Variants in WWOX observed in about 807,000 individuals in gnomAD.
WWOX encodes WW domain containing oxidoreductase, also known as WW domain-containing oxidoreductase.
WWOX carries 69 observed loss-of-function variants against 46.2 expected under a neutral mutation model. The observed-to-expected ratio is 1.49, with a 90% CI of 1.23 to 1.82. WWOX has a LOEUF of 1.82. Ranked by LOEUF, WWOX falls within the 40% of genes most tolerant of loss-of-function variation. The pLI is 0.00. For synonymous variants in WWOX, 359 were observed against 202.6 expected (o/e 1.77, Z -6.56); for missense variants, 919 against 542.6 (o/e 1.69, Z -6.89).
At chr16:78,540,598 G>A (rs371212303) in intron 8 of WWOX, among the ~76,000 whole-genome samples, 2 of 152,160 alleles carry the variant, frequency 1.3e-5, no homozygotes, top group African/African-American at 4.8e-5. Context: ...AAATCTGCAT[G>A]GAGTGGTTAC....
intron 8 of WWOX, among the ~76,000 whole-genome samples, chr16:79,034,486 G>T (rs974390037): frequency 6.6e-6 from 1 of 152,186 alleles, no homozygotes; most frequent in Non-Finnish European, 1.5e-5. Flanking sequence ...TGGGGGCTCT[G>T]TTAAGACATG....
At chr16:78,271,738 C>G (rs563344924) in intron 5 of WWOX, among the ~76,000 whole-genome samples, 2 of 152,188 alleles carry the variant, frequency 1.3e-5, no homozygotes, top group Non-Finnish European at 2.9e-5. Context: ...TGGGACTCTG[C>G]CCAGCGAGGG....
chr16:78,981,538 G>A (rs556358457), intron 8 of WWOX, among the ~76,000 whole-genome samples: 2 of 151,938 alleles, frequency 1.3e-5, no homozygotes, highest in African/African-American at 4.8e-5. Flanking sequence ...TCCGGGTTCA[G>A]GTGATTCTCC....
chr16:78,239,958 C>G (rs528836258), intron 5 of WWOX, among the ~76,000 whole-genome samples: 3 of 151,432 alleles, frequency 2.0e-5, no homozygotes. Context: ...CGGTTCTAAG[C>G]CAGTTGGACA....
intron 8 of WWOX, among the ~76,000 whole-genome samples, chr16:78,853,643 C>G (rs1395053279): frequency 1.3e-5 from 2 of 152,062 alleles, no homozygotes; most frequent in African/African-American, 2.4e-5. Context: ...TCGCCTTTCC[C>G]TGGGTGGAGA....
intron 8 of WWOX, among the ~76,000 whole-genome samples, chr16:78,664,669 C>T (rs992833041): frequency 6.6e-6 from 1 of 152,174 alleles, no homozygotes; most frequent in African/African-American, 2.4e-5. Flanking sequence ...CTAGGAAGAC[C>T]AAGCATGCCG....
intron 8 of WWOX, among the ~76,000 whole-genome samples, chr16:78,751,678 CAG>C (rs2142451881): frequency 6.6e-6 from 1 of 150,632 alleles, no homozygotes; most frequent in South Asian, 2.1e-4. Context: ...GCCATTTCTG[CAG>C]AGTTAAAAAA....
chr16:78,844,355 T>C (rs1200477279), intron 8 of WWOX, among the ~76,000 whole-genome samples: 7 of 152,206 alleles, frequency 4.6e-5, no homozygotes, highest in Non-Finnish European at 1.5e-5. Context: ...TCCTCTTATC[T>C]ACCATATGCC....
At chr16:78,656,420 G>C (rs541674020) in intron 8 of WWOX, among the ~76,000 whole-genome samples, 1 of 152,150 alleles carries the variant, frequency 6.6e-6, no homozygotes, top group Non-Finnish European at 1.5e-5. Flanking sequence ...TCATGGTTCC[G>C]CAGGCCATAC....
At chr16:79,039,710 A>G (rs1159261595) in intron 8 of WWOX, among the ~76,000 whole-genome samples, 1 of 152,176 alleles carries the variant, frequency 6.6e-6, no homozygotes, top group Non-Finnish European at 1.5e-5. Flanking sequence ...GAGCAGGGTG[A>G]TGCTAGATGG....
At chr16:78,392,094 C>T (rs1033507420) in intron 6 of WWOX, among the ~76,000 whole-genome samples, 1 of 151,642 alleles carries the variant, frequency 6.6e-6, no homozygotes. Flanking sequence ...AGGCCACAAA[C>T]CAATAGCGGA....
intron 8 of WWOX, among the ~76,000 whole-genome samples, chr16:79,048,567 G>A (rs2048108664): frequency 6.6e-6 from 1 of 152,004 alleles, no homozygotes; most frequent in Non-Finnish European, 1.5e-5. Context: ...TATGCACAGT[G>A]GGCCATCCTA....
At chr16:78,777,085 A>C (rs763534207) in intron 8 of WWOX, among the ~76,000 whole-genome samples, 42 of 152,180 alleles carry the variant, frequency 2.8e-4, no homozygotes, top group African/African-American at 9.6e-4. Context: ...ATTGGGAATG[A>C]AGTTTAGGTC....
At chr16:78,676,140 C>T (rs1309553281) in intron 8 of WWOX, among the ~76,000 whole-genome samples, 1 of 151,900 alleles carries the variant, frequency 6.6e-6, no homozygotes, top group African/African-American at 2.4e-5. Flanking sequence ...CTGAGAGCCC[C>T]CAAGGGTTCA....
chr16:78,107,345 A>T (rs2032211579), intron 1 of WWOX, among the ~76,000 whole-genome samples: 1 of 152,200 alleles, frequency 6.6e-6, no homozygotes, highest in Non-Finnish European at 1.5e-5. Context: ...CTGAAATGAA[A>T]TGTTAAGTTT....
chr16:78,642,757 AGTGG>A (rs1283834873), intron 8 of WWOX, among the ~76,000 whole-genome samples: 1 of 152,078 alleles, frequency 6.6e-6, no homozygotes, highest in Non-Finnish European at 1.5e-5. Context: ...AGGATACCTC[AGTGG>A]GGAACTCAGG....
At chr16:78,937,589 C>G (rs28526561) in intron 8 of WWOX, among the ~76,000 whole-genome samples, 1 of 147,780 alleles carries the variant, frequency 6.8e-6, no homozygotes, top group Non-Finnish European at 1.5e-5. Context: ...GCCACCGTGC[C>G]CAGCTATAGA....
At chr16:79,070,572 C>G (rs149015750) in intron 8 of WWOX, among the ~76,000 whole-genome samples, 1 of 152,174 alleles carries the variant, frequency 6.6e-6, no homozygotes, top group Non-Finnish European at 1.5e-5. Flanking sequence ...GTGAGGCAGA[C>G]GGGCAGTCAG....
chr16:78,707,145 A>G (rs1296961504), intron 8 of WWOX, among the ~76,000 whole-genome samples: 1 of 152,224 alleles, frequency 6.6e-6, no homozygotes, highest in Non-Finnish European at 1.5e-5. Context: ...GATCACTCAA[A>G]TAATCTTAGT....
Sources: allele counts gnomAD v4.1 joint callset (sites outside exome capture counted in the v4.1 genomes callset), GRCh38; gene constraint gnomAD v4.1.1; transcripts MANE v1.5; gene names NCBI Gene and HGNC (gene_info 2026-07-23, HGNC 2026-07-21).